Variants in CFH observed in about 807,000 individuals in gnomAD.
CFH encodes H factor 1 (complement).
Under a neutral mutation model 147.3 loss-of-function variants are expected in CFH, and 53 were observed. That is an observed-to-expected ratio of 0.36 (90% CI 0.29 to 0.45). CFH has a LOEUF of 0.45. CFH is among the 20% of genes least tolerant of loss of function. The pLI is 1.00. For missense variants in CFH, 1,380 were observed against 1,498.0 expected (o/e 0.92, Z 1.30); for synonymous variants, 536 against 489.4 (o/e 1.10, Z -1.26).
At chr1:196,707,887 T>C (rs1348153208) in intron 9 of CFH, among the ~76,000 whole-genome samples, 1 of 152,226 alleles carries the variant, frequency 6.6e-6, no homozygotes, top group Non-Finnish European at 1.5e-5. Context: ...CCTTCCTGTC[T>C]ATTCCCTGCC....
At chr1:196,726,018 A>G (rs1267482952) in intron 12 of CFH, among the ~76,000 whole-genome samples, 1 of 152,194 alleles carries the variant, frequency 6.6e-6, no homozygotes, top group Admixed American at 6.6e-5. Context: ...GACATTTTAT[A>G]TAGTGTGGGC....
chr1:196,701,261 A>G, intron 9 of CFH: 3 of 1,611,744 alleles, frequency 1.9e-6, no homozygotes, highest in Non-Finnish European at 2.5e-6. Context: ...AGGAGTTGCT[A>G]GTGGAATCTC....
chr1:196,734,183 T>C (rs930234744), intron 15 of CFH, among the ~76,000 whole-genome samples: 10 of 152,190 alleles, frequency 6.6e-5, no homozygotes, highest in African/African-American at 1.9e-4. Context: ...CTGGGGTCCA[T>C]GCTCCATTGT....
Position 196,672,975 on chromosome 1 carries a change from T to C in CFH, c.59-3T>C, listed in dbSNP as rs977158597. 4 of 1,612,960 alleles carry C rather than the reference T, an allele frequency of 2.5e-6. No individual in the cohort carries two copies. The African/African-American group carries it at 4.0e-5, about 16-fold the overall frequency. ...GCACTTATTTTGTTTTTATTGTTTG[T>C]AGATTGCAATGAACTTCCTCCAAGA... On this transcript the variant is annotated splice_region_variant and splice_polypyrimidine_tract_variant and intron_variant, in intron 1 of 21. Transcript: ENST00000367429.
intron 1 of CFH, among the ~76,000 whole-genome samples, chr1:196,658,407 A>ATTTTTTTTTTTTTTTC (rs1666782844): frequency 2.2e-5 from 2 of 92,276 alleles, no homozygotes; most frequent in Non-Finnish European, 4.0e-5. Flanking sequence ...TGCTCAGGTA[A>ATTTTTTTTTTTTTTTC]TTTTTTTTTT....
At chr1:196,706,762 C>A (rs1308261859) in intron 9 of CFH, among the ~76,000 whole-genome samples, 2 of 152,100 alleles carry the variant, frequency 1.3e-5, no homozygotes, top group Non-Finnish European at 2.9e-5. Flanking sequence ...TTTAAAAATA[C>A]CTACTTGGTG....
chr1:196,712,367 AT>A (rs1248796811), intron 9 of CFH, among the ~76,000 whole-genome samples: 1 of 151,292 alleles, frequency 6.6e-6, no homozygotes, highest in Non-Finnish European at 1.5e-5. Flanking sequence ...ATAATTTATT[AT>A]AAATAATAAT....
chr1:196,706,549 C>T (rs1668594062), intron 9 of CFH, among the ~76,000 whole-genome samples: 1 of 152,112 alleles, frequency 6.6e-6, no homozygotes, highest in Admixed American at 6.5e-5. Context: ...AGAGAGAATT[C>T]GATTGAGACT....
At chr1:196,656,980 T>C (rs1666722851) in intron 1 of CFH, among the ~76,000 whole-genome samples, 1 of 152,060 alleles carries the variant, frequency 6.6e-6, no homozygotes, top group Non-Finnish European at 1.5e-5. Context: ...GTTTGTTTGT[T>C]TGTTTGTTTG....
rs547338983 is a variant in CFH, at chr1:196,737,481, T to G, written c.2603T>G (p.Ile868Ser). 5 of 1,610,960 alleles carry G rather than the reference T, an allele frequency of 3.1e-6. No homozygotes were observed. In the African/African-American group the frequency reaches 5.3e-5, roughly 17 times the overall value. The change falls in exon 17 of 22, where the codon ATT becomes AGT. Residue 868 changes from isoleucine to serine, a missense_variant. Physicochemically the swap from Ile to Ser is moderately radical, Grantham distance 142 (BLOSUM62 -2). This residue lies in a region of CFH where 830 missense variants were observed against 821.4 expected (regional missense o/e 1.01). Coordinates refer to ENST00000367429, the MANE Select transcript of CFH (RefSeq NM_000186.4). ...WQSIPLCVEK[I>S]PCSQPPQIEH... is the part of the protein sequence containing the mutation. ...ATTTTCATTCTTCATTTAGAAAAAA[T>G]TCCATGTTCACAACCACCTCAGATA...
intron 1 of CFH, among the ~76,000 whole-genome samples, chr1:196,658,245 T>C (rs1343253946): frequency 6.6e-6 from 1 of 151,872 alleles, no homozygotes; most frequent in African/African-American, 2.4e-5. Context: ...TGATTTTGTT[T>C]AGTATTATTC....
intron 15 of CFH, among the ~76,000 whole-genome samples, chr1:196,731,934 T>G (rs1268538330): frequency 6.6e-6 from 1 of 152,062 alleles, no homozygotes; most frequent in Admixed American, 6.6e-5. Flanking sequence ...CTATAACTTT[T>G]GATAATTTGA....
chr1:196,688,893 G>A (rs1426100309), intron 7 of CFH, among the ~76,000 whole-genome samples: 2 of 152,088 alleles, frequency 1.3e-5, no homozygotes, highest in Non-Finnish European at 2.9e-5. Flanking sequence ...TTACAGGCGT[G>A]AGCCACTGCG....
intron 1 of CFH, among the ~76,000 whole-genome samples, chr1:196,666,079 A>G (rs1667075586): frequency 6.6e-6 from 1 of 152,222 alleles, no homozygotes; most frequent in Non-Finnish European, 1.5e-5. Flanking sequence ...TCAGGCACTG[A>G]AACTCAGCTT....
intron 9 of CFH, among the ~76,000 whole-genome samples, chr1:196,694,319 T>C (rs1668173619): frequency 6.6e-6 from 1 of 152,194 alleles, no homozygotes; most frequent in Non-Finnish European, 1.5e-5. Flanking sequence ...TCCATGTCCC[T>C]GCAAAGGACA....
chr1:196,660,869 C>A (rs898070893), intron 1 of CFH, among the ~76,000 whole-genome samples: 6 of 152,088 alleles, frequency 3.9e-5, no homozygotes, highest in African/African-American at 1.4e-4. Context: ...GGGGCACAAA[C>A]GTATCACCTG....
intron 12 of CFH, 150 bp downstream of exon 12, chr1:196,725,447 T>A: frequency 1.4e-6 from 1 of 705,378 alleles, no homozygotes; most frequent in Non-Finnish European, 2.4e-6. Flanking sequence ...GAGTACTGAA[T>A]ACCTGAGATT....
intron 1 of CFH, among the ~76,000 whole-genome samples, chr1:196,668,115 A>G (rs1224945890): frequency 2.0e-5 from 3 of 152,048 alleles, no homozygotes; most frequent in Non-Finnish European, 2.9e-5. Flanking sequence ...TCATGTTTCA[A>G]TAGCTTTTTT....
At chr1:196,711,043 T>C (rs186152760) in intron 9 of CFH, among the ~76,000 whole-genome samples, 1 of 152,246 alleles carries the variant, frequency 6.6e-6, no homozygotes, top group East Asian at 1.9e-4. Context: ...TGATGTCATT[T>C]CTGTCATTGC....
Sources: gnomAD v4.1 joint callset for allele counts (sites outside exome capture counted in the v4.1 genomes callset) on GRCh38, gnomAD v4.1.1 for gene constraint, gnomAD v4.1.1 regional missense constraint, MANE v1.5 for transcripts, NCBI Gene and HGNC (gene_info 2026-07-23, HGNC 2026-07-21) for gene names.